NRG3: variants seen among roughly 807,000 people sequenced by gnomAD.
NRG3 encodes pro-neuregulin-3, membrane-bound isoform.
A neutral mutation model predicts 66.9 loss-of-function variants in NRG3; 31 were observed. That is an observed-to-expected ratio of 0.46 (90% CI 0.35 to 0.63). The LOEUF (loss-of-function observed/expected upper bound fraction) is 0.63, where lower values mean the gene tolerates loss of function less well. Among genes scored for constraint, NRG3 ranks in the 20% least tolerant of loss-of-function variants. The pLI is 0.00. For synonymous variants in NRG3, 393 were observed against 359.4 expected (o/e 1.09, Z -1.06); for missense variants, 910 against 878.9 (o/e 1.04, Z -0.45).
chr10:82,034,297 T>C (rs983623555), intron 1 of NRG3, among the ~76,000 whole-genome samples: 1 of 151,300 alleles, frequency 6.6e-6, no homozygotes, highest in Non-Finnish European at 1.5e-5. Flanking sequence ...AAATTGTGCT[T>C]CTTCCGAATC....
intron 3 of NRG3, among the ~76,000 whole-genome samples, chr10:82,784,435 G>T (rs905250812): frequency 6.6e-6 from 1 of 151,822 alleles, no homozygotes; most frequent in Non-Finnish European, 1.5e-5. Context: ...TACAAAATGG[G>T]AGAAAATTTT....
intron 2 of NRG3, among the ~76,000 whole-genome samples, chr10:82,384,013 A>G (rs1409853252): frequency 1.3e-5 from 2 of 152,100 alleles, no homozygotes; most frequent in Non-Finnish European, 1.5e-5. Flanking sequence ...ATCACTAAAC[A>G]TTAATCTGCT....
At chr10:82,902,328 T>C (rs968705036) in intron 4 of NRG3, among the ~76,000 whole-genome samples, 2 of 152,154 alleles carry the variant, frequency 1.3e-5, no homozygotes, top group Non-Finnish European at 2.9e-5. Flanking sequence ...TATTTTTCCA[T>C]AGAGGGTTAG....
At chr10:82,873,570 C>T (rs181471227) in intron 4 of NRG3, among the ~76,000 whole-genome samples, 5 of 152,296 alleles carry the variant, frequency 3.3e-5, no homozygotes. Flanking sequence ...GATTTCTTAT[C>T]TAACAAATAT....
At chr10:82,167,200 A>G (rs552756306) in intron 1 of NRG3, among the ~76,000 whole-genome samples, 26 of 151,972 alleles carry the variant, frequency 1.7e-4, no homozygotes, top group African/African-American at 6.0e-4. Context: ...TTTTTATTCA[A>G]TGTCAGACAT....
intron 1 of NRG3, among the ~76,000 whole-genome samples, chr10:82,132,483 T>TATATATC (rs1564593396): frequency 8.8e-5 from 9 of 102,716 alleles, no homozygotes; most frequent in African/African-American, 4.7e-4. Context: ...ATATATGATA[T>TATATATC]ATATATATGA....
At chr10:82,843,471 G>T (rs149576833) in intron 3 of NRG3, among the ~76,000 whole-genome samples, 448 of 152,260 alleles carry the variant, frequency 2.9e-3, no homozygotes, top group African/African-American at 0.01. Context: ...AAATTACACA[G>T]TCTGCGGTAT....
intron 2 of NRG3, among the ~76,000 whole-genome samples, chr10:82,556,671 A>C (rs1164735474): frequency 6.6e-6 from 1 of 152,182 alleles, no homozygotes; most frequent in Admixed American, 6.6e-5. Context: ...TCAGGGGTAC[A>C]TGTGATGGTG....
At chr10:82,163,922 A>T (rs1649954) in intron 1 of NRG3, among the ~76,000 whole-genome samples, 101,919 of 148,406 alleles carry the variant, frequency 0.69, 36,920 homozygotes, top group Non-Finnish European at 0.79. Flanking sequence ...CTCTCTTAAA[A>T]TTTTTTTTTT....
At chr10:82,086,153 T>A (rs1263641890) in intron 1 of NRG3, among the ~76,000 whole-genome samples, 1 of 152,038 alleles carries the variant, frequency 6.6e-6, no homozygotes, top group African/African-American at 2.4e-5. Flanking sequence ...TTACAGTAAG[T>A]TGGTTATACT....
At chr10:82,008,362 A>G (rs1363934904) in intron 1 of NRG3, among the ~76,000 whole-genome samples, 1 of 152,240 alleles carries the variant, frequency 6.6e-6, no homozygotes, top group Non-Finnish European at 1.5e-5. Flanking sequence ...TGACAAGAGT[A>G]GATGTAAACA....
At chr10:82,780,069 G>A (rs2060059488) in intron 3 of NRG3, among the ~76,000 whole-genome samples, 1 of 152,146 alleles carries the variant, frequency 6.6e-6, no homozygotes, top group Non-Finnish European at 1.5e-5. Context: ...TCTTATGGCT[G>A]CATAGTATTC....
chr10:82,507,291 A>G (rs1206951242), intron 2 of NRG3, among the ~76,000 whole-genome samples: 1 of 152,156 alleles, frequency 6.6e-6, no homozygotes, highest in African/African-American at 2.4e-5. Context: ...GAGTTGGTAC[A>G]ATGTGGGCAT....
chr10:82,908,627 C>T (rs73311316), intron 4 of NRG3, among the ~76,000 whole-genome samples: 5,994 of 152,270 alleles, frequency 0.039, 139 homozygotes, highest in Middle Eastern at 0.1. Context: ...CACCTGCAAT[C>T]CTCTCTGTCT....
At chr10:82,408,041 T>A in intron 2 of NRG3, among the ~76,000 whole-genome samples, 1 of 93,800 alleles carries the variant, frequency 1.1e-5, no homozygotes, top group South Asian at 3.1e-4. Flanking sequence ...AGAGCAAGAC[T>A]ACATCGAGAG....
At chr10:81,892,077 A>G (rs1843058908) in intron 1 of NRG3, among the ~76,000 whole-genome samples, 2 of 152,124 alleles carry the variant, frequency 1.3e-5, no homozygotes, top group African/African-American at 4.8e-5. Context: ...AATGTGATAC[A>G]TACGTGGGAC....
At chr10:82,442,341 A>G (rs1012313345) in intron 2 of NRG3, among the ~76,000 whole-genome samples, 3 of 152,220 alleles carry the variant, frequency 2.0e-5, no homozygotes, top group Non-Finnish European at 2.9e-5. Context: ...AAACATAATT[A>G]TAAATTGTAA....
chr10:82,325,617 T>C (rs2081831596), intron 1 of NRG3, among the ~76,000 whole-genome samples: 1 of 109,666 alleles, frequency 9.1e-6, no homozygotes, highest in Non-Finnish European at 1.7e-5. Flanking sequence ...TAACGTTTCC[T>C]TTTTTTTTGC....
At chr10:82,503,903 A>G (rs1704714634) in intron 2 of NRG3, among the ~76,000 whole-genome samples, 1 of 150,872 alleles carries the variant, frequency 6.6e-6, no homozygotes, top group South Asian at 2.1e-4. Flanking sequence ...AGTGGGGTGT[A>G]CTTTAAAGGA....
Sources: allele counts gnomAD v4.1 joint callset (sites outside exome capture counted in the v4.1 genomes callset), GRCh38; gene constraint gnomAD v4.1.1; transcripts MANE v1.5; gene names NCBI Gene and HGNC (gene_info 2026-07-23, HGNC 2026-07-21).